AOAH: variants seen among roughly 807,000 people sequenced by gnomAD.
AOAH encodes the protein acyloxyacyl hydrolase (neutrophil).
In AOAH, 64 loss-of-function variants were observed where a neutral mutation model predicts 92.2. That is an observed-to-expected ratio of 0.69 (90% CI 0.57 to 0.86). AOAH has a LOEUF of 0.86. AOAH is among the 40% of genes least tolerant of loss of function. The pLI, the probability that AOAH is intolerant of heterozygous loss-of-function variation, is 0.00. For synonymous variants in AOAH, 263 were observed against 254.5 expected, an observed-to-expected ratio of 1.03 and a Z score of -0.32; for missense variants, 656 against 694.6, an observed-to-expected ratio of 0.94 and a Z score of 0.62.
At chr7:36,581,284 T>G (rs1437155321) in intron 12 of AOAH, among the ~76,000 whole-genome samples, 17 of 152,218 alleles carry the variant, frequency 1.1e-4, no homozygotes, top group Admixed American at 1.1e-3. Flanking sequence ...CAGTTACCAT[T>G]CATCTGTCTG....
rs3735386 is a variant in AOAH, at chr7:36,616,429, G to C, written c.797C>G (p.Ala266Gly). ...GIILLGDSAG[A>G]HFHISPEWIT... ...CCATTCAGGAGAGATGTGAAAATGA[G>C]CCCCAGCTGAGTCTCCCAGCAAAAT... is the stretch of plus-strand genomic sequence containing the variant. Residue 266 changes from alanine (A) to glycine (G), a missense_variant, in exon 11 of 21, where the codon GCT becomes GGT. By Grantham distance (60) the Ala-to-Gly change is moderately conservative. Transcript: ENST00000617537. 205,788 of 1,612,670 alleles carry C rather than the reference G, an allele frequency of 0.13. 13,998 individuals are homozygous for C. The highest frequency in any genetic ancestry group is 0.14 in the Non-Finnish European group (164,922 of 1,178,684).
intron 12 of AOAH, among the ~76,000 whole-genome samples, chr7:36,581,459 C>T (rs1460032550): frequency 2.0e-5 from 3 of 152,196 alleles, no homozygotes; most frequent in African/African-American, 7.2e-5. Context: ...ATACCTTATA[C>T]ACTGCGTCAC....
At chr7:36,625,945 C>T (rs576605237) in intron 6 of AOAH, among the ~76,000 whole-genome samples, 3 of 152,212 alleles carry the variant, frequency 2.0e-5, no homozygotes, top group Admixed American at 6.5e-5. Context: ...TCACTTTAAT[C>T]ATCTGTCAAG....
At chr7:36,546,358 C>A (rs1247029789) in intron 15 of AOAH, among the ~76,000 whole-genome samples, 1 of 152,234 alleles carries the variant, frequency 6.6e-6, no homozygotes, top group East Asian at 1.9e-4. Context: ...ATCTACTCCA[C>A]CTTGACGTTC....
At chr7:36,633,119 T>C (rs990678056) in intron 5 of AOAH, among the ~76,000 whole-genome samples, 18 of 152,170 alleles carry the variant, frequency 1.2e-4, no homozygotes, top group African/African-American at 3.9e-4. Flanking sequence ...CAGATGACCC[T>C]GCAGTGAGGT....
At chr7:36,549,534 A>G (rs897648983) in intron 13 of AOAH, 59 bp from the exon 14 acceptor site, 27 of 1,184,838 alleles carry the variant, frequency 2.3e-5, no homozygotes, top group Non-Finnish European at 2.6e-5. Flanking sequence ...CACACTATCA[A>G]TATGGGAGTC....
intron 4 of AOAH, among the ~76,000 whole-genome samples, chr7:36,656,686 T>A (rs980485547): frequency 2.0e-5 from 3 of 151,376 alleles, no homozygotes; most frequent in Non-Finnish European, 4.4e-5. Context: ...GTAAGTAAAG[T>A]TTGTTTACGT....
At chr7:36,517,101 C>A (rs904355335) in intron 20 of AOAH, among the ~76,000 whole-genome samples, 4 of 152,186 alleles carry the variant, frequency 2.6e-5, no homozygotes, top group Non-Finnish European at 4.4e-5. Context: ...TTAACTTCCA[C>A]GAGGCGCTGC....
chr7:36,579,660 C>T (rs1377390544), intron 12 of AOAH, among the ~76,000 whole-genome samples: 2 of 152,126 alleles, frequency 1.3e-5, no homozygotes, highest in Non-Finnish European at 2.9e-5. Context: ...GGGCAGGAAG[C>T]ATCCAGCATG....
chr7:36,679,022 C>T (rs548795585), intron 2 of AOAH, among the ~76,000 whole-genome samples: 1 of 151,980 alleles, frequency 6.6e-6, no homozygotes, highest in South Asian at 2.1e-4. Context: ...CTTGGAACAG[C>T]ATAGGAAAAA....
rs1417557815 is a variant in AOAH at position 36,590,358 on chromosome 7, G to GA, written c.938+3980dup. ...CAATCTCTTCCTGAATCACACTGAA[G>GA]AAAAATCCCAGTATATTTTTTAAGG... On this transcript the variant is annotated intron_variant, in intron 12 of 20. Transcript: ENST00000617537. Among the ~76,000 whole-genome samples the GA allele has an allele frequency of 1.1e-4, 17 of 151,638 alleles. No individual in the cohort carries two copies. In the East Asian group the frequency reaches 3.1e-3, roughly 28 times the overall value.
chr7:36,636,749 G>C (rs571266868), intron 5 of AOAH, among the ~76,000 whole-genome samples: 1 of 152,276 alleles, frequency 6.6e-6, no homozygotes, highest in East Asian at 1.9e-4. Context: ...AGAGTTGCCA[G>C]ATAAAATATT....
intron 13 of AOAH, among the ~76,000 whole-genome samples, chr7:36,561,957 A>C (rs577997925): frequency 6.6e-6 from 1 of 152,320 alleles, no homozygotes; most frequent in East Asian, 1.9e-4. Context: ...TTTGAAAAGC[A>C]ATCACAAACA....
At chr7:36,583,427 T>C (rs944535955) in intron 12 of AOAH, among the ~76,000 whole-genome samples, 6 of 152,156 alleles carry the variant, frequency 3.9e-5, no homozygotes, top group Non-Finnish European at 7.3e-5. Context: ...CTTTTAAGAT[T>C]CCTTTCAGTC....
chr7:36,637,335 C>T (rs1793590511), intron 5 of AOAH, among the ~76,000 whole-genome samples: 1 of 152,128 alleles, frequency 6.6e-6, no homozygotes, highest in Admixed American at 6.5e-5. Flanking sequence ...GTCTTACAGA[C>T]AAGAAAACTG....
At chr7:36,704,892 C>T (rs1247175825) in intron 1 of AOAH, among the ~76,000 whole-genome samples, 1 of 152,064 alleles carries the variant, frequency 6.6e-6, no homozygotes, top group Non-Finnish European at 1.5e-5. Context: ...ATGACAAAAA[C>T]CACGTGATTA....
chr7:36,522,206 T>G (rs866164641), intron 19 of AOAH, 91 bp from the exon 20 acceptor site: 5 of 1,215,244 alleles, frequency 4.1e-6, no homozygotes, highest in South Asian at 3.8e-5. Context: ...GCCCATGCCC[T>G]CCCGGGCCCA....
intron 15 of AOAH, among the ~76,000 whole-genome samples, chr7:36,542,372 T>G (rs1382825622): frequency 6.6e-6 from 1 of 152,196 alleles, no homozygotes; most frequent in African/African-American, 2.4e-5. Flanking sequence ...GCGTTTTGAG[T>G]CATCCAGTTT....
At chr7:36,644,057 G>C (rs1319586784) in intron 4 of AOAH, among the ~76,000 whole-genome samples, 1 of 152,196 alleles carries the variant, frequency 6.6e-6, no homozygotes, top group Non-Finnish European at 1.5e-5. Context: ...ACATGCTGGG[G>C]AAATAGTAGG....
Sources: gnomAD v4.1 joint callset for allele counts (sites outside exome capture counted in the v4.1 genomes callset) on GRCh38, gnomAD v4.1.1 for gene constraint, MANE v1.5 for transcripts, NCBI Gene and HGNC (gene_info 2026-07-23, HGNC 2026-07-21) for gene names.